Variants in CACNA1A observed in about 807,000 individuals in gnomAD.
The protein encoded by CACNA1A is calcium voltage-gated channel subunit alpha1 A.
CACNA1A carries 57 observed loss-of-function variants against 262.4 expected under a neutral mutation model. That is an observed-to-expected ratio of 0.22 (90% CI 0.18 to 0.27). The LOEUF (loss-of-function observed/expected upper bound fraction) is 0.27. Ranked by LOEUF, CACNA1A falls within the 10% of genes least tolerant of loss-of-function variation. The pLI is 1.00. For synonymous variants in CACNA1A, 1,431 were observed against 1,419.3 expected (o/e 1.01, Z -0.18); for missense variants, 2,526 against 3,562.8 (o/e 0.71, Z 7.41).
At chr19:13,461,528 T>A (rs569291341) in intron 1 of CACNA1A, among the ~76,000 whole-genome samples, 13 of 152,080 alleles carry the variant, frequency 8.5e-5, no homozygotes, top group Non-Finnish European at 1.6e-4. Context: ...GGTGCCCAGA[T>A]GAAAGAAAGA....
rs542057615 is a variant in CACNA1A at position 13,439,423 on chromosome 19, G to A, written c.539+13453C>T. ...TCTTTTTTCTTTTTTTTTTTTTGAC[G>A]GAGTCTCGTTCTGTCGCCCAGGCTG... On this transcript the variant is annotated intron_variant, in intron 3 of 46. Coordinates refer to ENST00000360228, the MANE Select transcript of CACNA1A (RefSeq NM_001127222.2). 1.0e-4 allele frequency among the ~76,000 whole-genome samples: 14 copies of A among 139,480 alleles called. No homozygotes were observed. In the East Asian group the frequency reaches 1.2e-3, roughly 12 times the overall value. The allele number at this position is 139,480 out of a possible 152,430, so 91.5% of individuals were successfully genotyped here.
chr19:13,268,594 A>G (rs890986306), intron 24 of CACNA1A, among the ~76,000 whole-genome samples: 7 of 151,788 alleles, frequency 4.6e-5, no homozygotes, highest in Admixed American at 2.0e-4. Context: ...CACCACGCCC[A>G]GCTAATTTTT....
At chr19:13,384,654 C>T (rs916707035) in intron 3 of CACNA1A, among the ~76,000 whole-genome samples, 9 of 152,248 alleles carry the variant, frequency 5.9e-5, no homozygotes, top group East Asian at 1.9e-4. Context: ...AAGCTGAGAT[C>T]GCACCACTGC....
At chr19:13,494,612 C>T (rs1046972971) in intron 1 of CACNA1A, among the ~76,000 whole-genome samples, 30 of 152,100 alleles carry the variant, frequency 2.0e-4, no homozygotes, top group African/African-American at 6.8e-4. Flanking sequence ...TGTGTTAGTC[C>T]GTTTTCACAC....
chr19:13,361,696 C>A (rs755874244), intron 5 of CACNA1A, among the ~76,000 whole-genome samples: 6 of 152,200 alleles, frequency 3.9e-5, no homozygotes, highest in Non-Finnish European at 8.8e-5. Flanking sequence ...CCAAGTCTAG[C>A]CTCGCCATGA....
intron 4 of CACNA1A, among the ~76,000 whole-genome samples, chr19:13,367,466 G>A (rs1008882612): frequency 6.6e-6 from 1 of 151,964 alleles, no homozygotes; most frequent in Admixed American, 6.6e-5. Flanking sequence ...GGTGGCTCAC[G>A]CCTGTAATCC....
chr19:13,214,960 A>G lies in CACNA1A; in HGVS notation c.5732-352T>C. On this transcript the variant is annotated intron_variant, in intron 38 of 46. Coordinates refer to ENST00000360228, the MANE Select transcript of CACNA1A (RefSeq NM_001127222.2). This position sits in a 1 kb window ranked among gnomAD's most constrained non-coding sequence, Gnocchi z 4.1. The stretch of plus-strand genomic sequence containing the variant: ...CTCAGTTTCTCCATCTGTGAAATGG[A>G]GATGATAGCAAGAGTACTTGCCTCA... 2 of 249,866 alleles carry G rather than the reference A, an allele frequency of 8.0e-6. No homozygotes were observed. The highest frequency in any genetic ancestry group is 8.8e-5 in the East Asian group (1 of 11,304). 15.5% of individuals were successfully genotyped at this position (249,866 alleles called of 1,614,324 possible).
At chr19:13,489,771 G>A (rs1980533523) in intron 1 of CACNA1A, among the ~76,000 whole-genome samples, 1 of 152,054 alleles carries the variant, frequency 6.6e-6, no homozygotes, top group Non-Finnish European at 1.5e-5. Flanking sequence ...AACCATCAGA[G>A]CCTCCCCACA....
At chr19:13,323,071 A>T (rs1393501025) in intron 10 of CACNA1A, among the ~76,000 whole-genome samples, 1 of 152,138 alleles carries the variant, frequency 6.6e-6, no homozygotes, top group Non-Finnish European at 1.5e-5. Flanking sequence ...CAGGAATTCA[A>T]GACCAGCCTG....
chr19:13,398,974 A>C (rs1024424097), intron 3 of CACNA1A, among the ~76,000 whole-genome samples: 4 of 152,172 alleles, frequency 2.6e-5, no homozygotes, highest in African/African-American at 9.7e-5. Context: ...CTCAGGAAAC[A>C]ATATTACATT....
chr19:13,461,886 G>A (rs1050282161), intron 1 of CACNA1A, among the ~76,000 whole-genome samples: 3 of 152,118 alleles, frequency 2.0e-5, no homozygotes, highest in East Asian at 1.9e-4. Flanking sequence ...AATGGCTCTC[G>A]GAAGTCAGGA....
At chr19:13,414,738 G>A (rs1234820424) in intron 3 of CACNA1A, among the ~76,000 whole-genome samples, 4 of 151,526 alleles carry the variant, frequency 2.6e-5, no homozygotes, top group Admixed American at 6.6e-5. Flanking sequence ...TGGGCGGATC[G>A]CTTGAGCCCA....
At position 13,209,124 on chromosome 19, in the gene CACNA1A, G is replaced by A. The variant is rs368204272; in HGVS notation, c.6527-115C>T. 12 of 1,451,130 alleles carry A rather than the reference G, an allele frequency of 8.3e-6. No individual in the cohort carries two copies. In the East Asian group the frequency reaches 1.7e-4, roughly 21 times the overall value. 89.9% of individuals were successfully genotyped at this position (1,451,130 alleles called of 1,614,324 possible). On this transcript the variant is annotated intron_variant, in intron 45 of 46. Coordinates refer to ENST00000360228, the MANE Select transcript of CACNA1A (RefSeq NM_001127222.2). ...GGGGGCCCTAGAGATCCCCTGAACC[G>A]AGGCAGGTCAGTGGGTTGGGGGGAG...
chr19:13,225,684 T>G (rs2144599559), intron 37 of CACNA1A: 1 of 146,530 alleles, frequency 6.8e-6, no homozygotes, highest in Admixed American at 6.8e-5. Context: ...TGGGGAGGGG[T>G]ATGGTAAATC....
intron 3 of CACNA1A, among the ~76,000 whole-genome samples, chr19:13,380,462 A>G (rs561472277): frequency 2.5e-4 from 38 of 151,094 alleles, no homozygotes; most frequent in African/African-American, 8.7e-4. Context: ...CCTGGCCAAC[A>G]TGGCGAAACT....
intron 3 of CACNA1A, among the ~76,000 whole-genome samples, chr19:13,448,770 T>C (rs1227891406): frequency 6.6e-6 from 1 of 151,976 alleles, no homozygotes; most frequent in Admixed American, 6.6e-5. Context: ...CTGGAAACAA[T>C]CCAAATAGAT....
chr19:13,383,419 T>C (rs1191663220), intron 3 of CACNA1A, among the ~76,000 whole-genome samples: 2 of 152,116 alleles, frequency 1.3e-5, no homozygotes. Context: ...GTTGTAGACA[T>C]GTTGAGTTTG....
intron 3 of CACNA1A, among the ~76,000 whole-genome samples, chr19:13,445,880 C>T (rs2060800708): frequency 6.6e-6 from 1 of 152,166 alleles, no homozygotes; most frequent in South Asian, 2.1e-4. Context: ...CCAAACTTCA[C>T]CCAAGAAGAA....
chr19:13,254,449 G>A (rs1453727738), intron 29 of CACNA1A, among the ~76,000 whole-genome samples: 2 of 151,254 alleles, frequency 1.3e-5, no homozygotes, highest in Non-Finnish European at 2.9e-5. Context: ...GGCAACCTCC[G>A]CCTCCCGGGT....
Sources: allele counts gnomAD v4.1 joint callset (sites outside exome capture counted in the v4.1 genomes callset), GRCh38; gene constraint gnomAD v4.1.1; non-coding constraint Gnocchi (gnomAD v3.1); transcripts MANE v1.5; gene names NCBI Gene and HGNC (gene_info 2026-07-23, HGNC 2026-07-21).